DLG5: variants seen among roughly 807,000 people sequenced by gnomAD.
DLG5 encodes the protein disks large homolog 5.
In DLG5, 48 loss-of-function variants were observed where a neutral mutation model predicts 189.8. The observed-to-expected ratio is 0.25, with a 90% CI of 0.20 to 0.32. DLG5 has a LOEUF of 0.32. Ranked by LOEUF, DLG5 falls within the 10% of genes least tolerant of loss-of-function variation. The pLI, the probability that DLG5 is intolerant of heterozygous loss-of-function variation, is 1.00. For synonymous variants in DLG5, 1,016 were observed against 1,054.1 expected, an observed-to-expected ratio of 0.96 and a Z score of 0.70; for missense variants, 2,160 against 2,544.7, an observed-to-expected ratio of 0.85 and a Z score of 3.25.
At chr10:77,887,750 G>A (rs1039505445) in intron 1 of DLG5, among the ~76,000 whole-genome samples, 5 of 152,304 alleles carry the variant, frequency 3.3e-5, no homozygotes, top group Non-Finnish European at 7.4e-5. Flanking sequence ...ATCCCAGCCA[G>A]GCCATCTCCA....
chr10:77,830,048 T>C (rs1052035995), intron 11 of DLG5, among the ~76,000 whole-genome samples, 169 bp downstream of exon 11: 1 of 152,198 alleles, frequency 6.6e-6, no homozygotes, highest in Admixed American at 6.5e-5. Context: ...TGAGAAGCAC[T>C]GTTTCTTTCG....
At chr10:77,911,983 A>C (rs922011760) in intron 1 of DLG5, among the ~76,000 whole-genome samples, 1 of 151,020 alleles carries the variant, frequency 6.6e-6, no homozygotes, top group African/African-American at 2.4e-5. Context: ...AGGATCACTT[A>C]AGGCCAGGAG....
intron 5 of DLG5, chr10:77,846,696 C>CAA: frequency 1.1e-5 from 4 of 375,530 alleles, no homozygotes; most frequent in South Asian, 6.0e-5. Context: ...TATTCTGTCT[C>CAA]AAAAAAAAAA....
intron 5 of DLG5, among the ~76,000 whole-genome samples, chr10:77,845,831 T>G (rs1003678751): frequency 1.3e-5 from 2 of 151,384 alleles, no homozygotes; most frequent in Non-Finnish European, 2.9e-5. Flanking sequence ...GCAGTCAAAA[T>G]CTTCACTGTT....
At chr10:77,865,877 G>C (rs560351210) in intron 2 of DLG5, among the ~76,000 whole-genome samples, 1 of 151,906 alleles carries the variant, frequency 6.6e-6, no homozygotes, top group Non-Finnish European at 1.5e-5. Flanking sequence ...TCCGAGACCC[G>C]ACAGACCGCC....
In DLG5 at chr10:77,898,154, T is replaced by G. The variant is rs1030221102; in HGVS notation, c.304+28063A>C. 2.0e-5 allele frequency among the ~76,000 whole-genome samples: 3 copies of G among 152,304 alleles called. No homozygotes were observed. The South Asian group carries it at 6.2e-4, about 32-fold the overall frequency. ...TTCTCCATCAGCGCAGGTGACCAAG[T>G]GGCACATGGCTCACTTGGCCACCAC... On this transcript the variant is annotated intron_variant, in intron 1 of 31. Coordinates refer to ENST00000372391, the MANE Select transcript of DLG5 (RefSeq NM_004747.4).
rs187560801 is a variant in DLG5, at chr10:77,851,449, G to T, written c.864+1905C>A. ...ACCCCCACCTCCTGAATCTATAAAG[G>T]GTGGGAAGCATGTTGTCACAGCTTC... On this transcript the variant is annotated intron_variant, in intron 5 of 31. Transcript: ENST00000372391. Among the ~76,000 whole-genome samples the T allele has an allele frequency of 6.0e-4, 92 of 152,292 alleles. 1 individual carries two copies. Among genetic ancestry groups the T allele is most frequent in the African/African-American group, 2.1e-3 (87 of 41,554 alleles).
At chr10:77,812,403 G>A in intron 20 of DLG5, 26 bp from the exon 21 acceptor site, 1 of 1,598,110 alleles carries the variant, frequency 6.3e-7, no homozygotes, top group South Asian at 1.1e-5. Context: ...AAGTTTCGGG[G>A]ACTCAGGGTC....
intron 1 of DLG5, among the ~76,000 whole-genome samples, chr10:77,918,256 C>G (rs1428625943): frequency 5.3e-5 from 8 of 151,550 alleles, no homozygotes; most frequent in African/African-American, 1.7e-4. Context: ...ACTAAAAATA[C>G]AAAAAAATTA....
At chr10:77,813,246 A>G (rs548418675) in intron 20 of DLG5, among the ~76,000 whole-genome samples, 1 of 152,276 alleles carries the variant, frequency 6.6e-6, no homozygotes, top group African/African-American at 2.4e-5. Context: ...GGATAAAACC[A>G]TATAGCCAAA....
the DLG5 span, among the ~76,000 whole-genome samples, chr10:77,934,201 G>A: frequency 1.3e-5 from 2 of 151,214 alleles, no homozygotes; most frequent in South Asian, 2.1e-4. Context: ...AGAAACCCCC[G>A]TCTCCACTAA....
intron 27 of DLG5, among the ~76,000 whole-genome samples, chr10:77,801,920 TGGGTCCTAAATAAAACCCCAC>T (rs1474865466): frequency 1.3e-5 from 2 of 152,116 alleles, no homozygotes; most frequent in African/African-American, 4.8e-5. Flanking sequence ...AGTATCTGGG[TGGGTCCTAAATAAAACCCCAC>T]GGGTCCTCTG....
chr10:77,886,384 C>CA (rs1564575566), intron 1 of DLG5, among the ~76,000 whole-genome samples: 2 of 143,932 alleles, frequency 1.4e-5, no homozygotes, highest in Non-Finnish European at 3.0e-5. Flanking sequence ...AGTAATGTTG[C>CA]TTTTTTTTTT....
intron 9 of DLG5, 144 bp from the exon 10 acceptor site, chr10:77,831,017 G>A (rs1842873192): frequency 6.0e-6 from 6 of 999,224 alleles, no homozygotes; most frequent in East Asian, 2.7e-5. Flanking sequence ...CTCAGAGTCA[G>A]GTCAAGGCTG....
intron 15 of DLG5, 82 bp downstream of exon 15, chr10:77,821,000 T>C: frequency 2.0e-6 from 3 of 1,505,534 alleles, no homozygotes; most frequent in East Asian, 2.3e-5. Flanking sequence ...GGGACACTGG[T>C]GCAGGGCCAC....
At chr10:77,810,529 T>G (rs1032567095) in intron 23 of DLG5, among the ~76,000 whole-genome samples, 1 of 152,214 alleles carries the variant, frequency 6.6e-6, no homozygotes, top group East Asian at 1.9e-4. Context: ...GCAGCTCCCA[T>G]GGAGCTCCTT....
rs371801617 is a variant in DLG5, at chr10:77,821,844, G to A, written c.2640C>T (p.Cys880=). The part of the protein sequence containing the change: ...KPFPGGPLQV[C]PQACPSASER... ...CAGAGGCACTGGGACAGGCCTGGGG[G>A]CAGACCTGCAAGGGTCCCCCAGGGA... Residue 880 remains cysteine, a synonymous_variant, in exon 15 of 32, where the codon TGC becomes TGT. Coordinates refer to ENST00000372391, the MANE Select transcript of DLG5 (RefSeq NM_004747.4). The A allele has an allele frequency of 1.9e-6, 3 of 1,613,754 alleles. 1 individual carries two copies. Among genetic ancestry groups the A allele is most frequent in the South Asian group, 2.2e-5 (2 of 91,072 alleles).
intron 2 of DLG5, 105 bp from the exon 3 acceptor site, chr10:77,856,997 A>T: frequency 9.3e-7 from 1 of 1,070,948 alleles, no homozygotes; most frequent in Non-Finnish European, 1.3e-6. Context: ...GTGACCCAAC[A>T]AGTGGGTCCT....
intron 1 of DLG5, among the ~76,000 whole-genome samples, chr10:77,907,385 C>G (rs545336973): frequency 7.2e-5 from 11 of 152,276 alleles, no homozygotes; most frequent in African/African-American, 2.6e-4. Flanking sequence ...TCAAGACCAG[C>G]CTGAGCAACA....
Sources: gnomAD v4.1 joint callset for allele counts (sites outside exome capture counted in the v4.1 genomes callset) on GRCh38, gnomAD v4.1.1 for gene constraint, MANE v1.5 for transcripts, NCBI Gene and HGNC (gene_info 2026-07-23, HGNC 2026-07-21) for gene names.